C13orf42: variants seen among roughly 807,000 people sequenced by gnomAD.
The protein encoded by C13orf42 is uncharacterized protein C13orf42.
At chr13:51,108,006 G>C (rs576952122) in intron 1 of C13orf42, among the ~76,000 whole-genome samples, 1 of 152,336 alleles carries the variant, frequency 6.6e-6, no homozygotes, top group Admixed American at 6.5e-5. Context: ...GAGGCCAGAA[G>C]CTGTCCGCAG....
intron 1 of C13orf42, among the ~76,000 whole-genome samples, chr13:51,153,026 T>C (rs531007449): frequency 6.6e-6 from 1 of 152,320 alleles, no homozygotes; most frequent in African/African-American, 2.4e-5. Flanking sequence ...ACAGTGCACT[T>C]GCCCAGCCCC....
chr13:51,087,941 A>G lies in C13orf42; in HGVS notation c.549T>C (p.Asp183=). The change falls in exon 2 of 4, where the codon GAT becomes GAC. Residue 183 remains aspartate (D), a synonymous_variant. Coordinates refer to ENST00000563710, the MANE Select transcript of C13orf42 (RefSeq NM_001351589.3). ...RAAEASLPNE[D]VDFDVATSSR... Reference sequence around the variant, plus strand: ...CCTGGCACTCACCGTCAAAGTCCACATCTTCATTTGGCAGGCTGGCCTCAG... The same window carrying G: ...CCTGGCACTCACCGTCAAAGTCCACGTCTTCATTTGGCAGGCTGGCCTCAG... The G allele has an allele frequency of 2.5e-6, 1 of 399,048 alleles. No homozygotes were observed. Among genetic ancestry groups the G allele is most frequent in the Admixed American group, 4.4e-5 (1 of 22,732 alleles). The allele number at this position is 399,048 out of a possible 1,614,324, so 24.7% of individuals were successfully genotyped here. A position where few individuals can be genotyped will look rare whatever the true frequency, so the allele number is the denominator to read the frequency against.
chr13:51,114,347 T>G (rs1953464940), upstream of C13orf42, among the ~76,000 whole-genome samples: 1 of 152,212 alleles, frequency 6.6e-6, no homozygotes, highest in African/African-American at 2.4e-5. Context: ...GGTGTAATGA[T>G]TAAATGAGAT....
chr13:51,137,852 C>T (rs1237085713), intron 1 of C13orf42, among the ~76,000 whole-genome samples: 4 of 152,210 alleles, frequency 2.6e-5, no homozygotes, highest in Non-Finnish European at 4.4e-5. Context: ...TATATGCCTT[C>T]TCCAAAAAGA....
intron 1 of C13orf42, among the ~76,000 whole-genome samples, chr13:51,149,463 C>G (rs1953763587): frequency 6.6e-6 from 1 of 152,156 alleles, no homozygotes; most frequent in Non-Finnish European, 1.5e-5. Flanking sequence ...AATGATTTCT[C>G]TAAAGAGCCA....
chr13:51,116,878 G>C (rs569039873), intron 1 of C13orf42, among the ~76,000 whole-genome samples: 2 of 152,350 alleles, frequency 1.3e-5, no homozygotes, highest in Admixed American at 1.3e-4. Flanking sequence ...GGTCTCTCCA[G>C]TGAGGTGGCC....
chr13:51,103,364 C>T (rs977615935), intron 1 of C13orf42, among the ~76,000 whole-genome samples: 3 of 152,154 alleles, frequency 2.0e-5, no homozygotes, highest in Non-Finnish European at 4.4e-5. Context: ...TCAACTTTTC[C>T]TCTTCACCTC....
At chr13:51,156,191 C>G (rs536202043) in intron 1 of C13orf42, among the ~76,000 whole-genome samples, 1 of 152,120 alleles carries the variant, frequency 6.6e-6, no homozygotes, top group African/African-American at 2.4e-5. Context: ...CTATGTTAAC[C>G]CATAGGAGGG....
At chr13:51,101,547 A>G (rs1225903865) in intron 1 of C13orf42, among the ~76,000 whole-genome samples, 1 of 152,246 alleles carries the variant, frequency 6.6e-6, no homozygotes. Flanking sequence ...CCACACACCT[A>G]TGACTTTTCC....
intron 1 of C13orf42, among the ~76,000 whole-genome samples, chr13:51,090,923 ACT>A (rs1953174852): frequency 6.6e-6 from 1 of 152,198 alleles, no homozygotes; most frequent in South Asian, 2.1e-4. Context: ...CAGCCACTGA[ACT>A]CTCTGTCATC....
chr13:51,128,886 G>T (rs571728126), intron 1 of C13orf42, among the ~76,000 whole-genome samples: 1 of 152,154 alleles, frequency 6.6e-6, no homozygotes, highest in African/African-American at 2.4e-5. Flanking sequence ...TTACTTTGGA[G>T]CATTAGGTCA....
intron 1 of C13orf42, among the ~76,000 whole-genome samples, chr13:51,116,997 T>C (rs1953497341): frequency 6.6e-6 from 1 of 152,206 alleles, no homozygotes; most frequent in Non-Finnish European, 1.5e-5. Context: ...CCCAATTCTA[T>C]TGATTTAGTC....
At chr13:51,101,797 G>A (rs1444990374) in intron 1 of C13orf42, among the ~76,000 whole-genome samples, 1 of 152,214 alleles carries the variant, frequency 6.6e-6, no homozygotes, top group Non-Finnish European at 1.5e-5. Flanking sequence ...CAGGGAGGAG[G>A]GAAATCCACT....
upstream of C13orf42, among the ~76,000 whole-genome samples, chr13:51,115,791 A>G (rs1265667322): frequency 6.6e-6 from 1 of 152,236 alleles, no homozygotes; most frequent in East Asian, 1.9e-4. Context: ...CGTGTATCCC[A>G]TGTCACGAAG....
intron 1 of C13orf42, among the ~76,000 whole-genome samples, chr13:51,141,569 G>A (rs1372569661): frequency 6.6e-6 from 1 of 152,128 alleles, no homozygotes; most frequent in East Asian, 1.9e-4. Flanking sequence ...GGAGGCTGAG[G>A]TGGGCGGGTC....
intron 1 of C13orf42, among the ~76,000 whole-genome samples, chr13:51,103,255 G>A (rs1953311946): frequency 6.6e-6 from 1 of 152,102 alleles, no homozygotes; most frequent in African/African-American, 2.4e-5. Context: ...AGTGGCCTGT[G>A]GTTGTTGCTG....
intron 1 of C13orf42, among the ~76,000 whole-genome samples, chr13:51,133,656 G>C (rs1344633245): frequency 6.6e-6 from 1 of 152,202 alleles, no homozygotes; most frequent in Non-Finnish European, 1.5e-5. Flanking sequence ...ATGGGCCCCA[G>C]GAAAGGTGTG....
rs568577503 is a variant in C13orf42 at position 51,152,082 on chromosome 13, T to A, written n.136+20171A>T. Among the ~76,000 whole-genome samples, 37 of 152,268 alleles carry A rather than the reference T, an allele frequency of 2.4e-4. 1 individual carries two copies. The East Asian group carries it at 6.9e-3, about 29-fold the overall frequency. Reference sequence around the variant, plus strand: ...ACAGTTTAAGAATCACTGCCCCAAATAACAATATTCTCATACTCACCACAG... The same window carrying A: ...ACAGTTTAAGAATCACTGCCCCAAAAAACAATATTCTCATACTCACCACAG... On this transcript the variant is annotated intron_variant and non_coding_transcript_variant, in intron 1 of 4. Transcript: ENST00000433280.
chr13:51,105,535 C>T (rs551450036), intron 1 of C13orf42, among the ~76,000 whole-genome samples: 1 of 152,302 alleles, frequency 6.6e-6, no homozygotes, highest in South Asian at 2.1e-4. Context: ...AAATTCAAAG[C>T]CAGGGGGAAA....
Sources: gnomAD v4.1 joint callset for allele counts (sites outside exome capture counted in the v4.1 genomes callset) on GRCh38, gnomAD v4.1.1 for gene constraint, MANE v1.5 for transcripts, NCBI Gene and HGNC (gene_info 2026-07-23, HGNC 2026-07-21) for gene names.